Variants in BET1 observed in about 807,000 individuals in gnomAD.
The protein encoded by BET1 is Bet1 golgi vesicular membrane trafficking protein.
A neutral mutation model predicts 13.9 loss-of-function variants in BET1; 9 were observed. That is an observed-to-expected ratio of 0.65 (90% CI 0.39 to 1.13). The LOEUF (loss-of-function observed/expected upper bound fraction) is 1.13. Among genes scored for constraint, BET1 ranks in the 50% most tolerant of loss-of-function variants. The pLI, the probability that BET1 is intolerant of heterozygous loss-of-function variation, is 0.01. For synonymous variants in BET1, 39 were observed against 47.3 expected (o/e 0.82, Z 0.72); for missense variants, 127 against 133.6 (o/e 0.95, Z 0.24).
intron 1 of BET1, among the ~76,000 whole-genome samples, chr7:94,000,883 T>C (rs1386265121): frequency 6.6e-6 from 1 of 152,056 alleles, no homozygotes; most frequent in African/African-American, 2.4e-5. Flanking sequence ...GCACCTATAA[T>C]CCCAGCTACT....
At chr7:93,978,505 C>T (rs550428948) in intron 4 of BET1, among the ~76,000 whole-genome samples, 2 of 152,300 alleles carry the variant, frequency 1.3e-5, no homozygotes, top group African/African-American at 2.4e-5. Flanking sequence ...ATGCATTTCT[C>T]ATTACATTAT....
intron 3 of BET1, among the ~76,000 whole-genome samples, chr7:93,995,076 C>G (rs1584143362): frequency 1.3e-5 from 2 of 152,300 alleles, no homozygotes; most frequent in East Asian, 3.9e-4. Context: ...GAACTACTGA[C>G]CTCAGGTAAT....
chr7:93,967,165 C>T (rs1795187346), intron 6 of BET1, among the ~76,000 whole-genome samples: 1 of 151,926 alleles, frequency 6.6e-6, no homozygotes, highest in Non-Finnish European at 1.5e-5. Flanking sequence ...GAATACATAT[C>T]TATATTCTCA....
exon 7 of BET1, chr7:93,963,343 A>G (rs1352413514): frequency 6.6e-6 from 1 of 152,080 alleles, no homozygotes; most frequent in East Asian, 1.9e-4. Flanking sequence ...GCAGTATGAG[A>G]AGAAAACTAA....
At chr7:93,987,849 C>T (rs1425752515) in intron 4 of BET1, among the ~76,000 whole-genome samples, 1 of 152,220 alleles carries the variant, frequency 6.6e-6, no homozygotes, top group Non-Finnish European at 1.5e-5. Context: ...GGCATCCATA[C>T]TTGACCCTGT....
downstream of BET1, chr7:93,992,873 A>G (rs1795665108): frequency 5.1e-6 from 5 of 983,634 alleles, no homozygotes; most frequent in South Asian, 4.7e-5. Context: ...AACTCAAACC[A>G]GTGCCTCTCC....
chr7:93,974,425 A>T (rs1440670721), intron 5 of BET1, among the ~76,000 whole-genome samples: 1 of 151,964 alleles, frequency 6.6e-6, no homozygotes, highest in Non-Finnish European at 1.5e-5. Flanking sequence ...GAAAATATAC[A>T]AGATAAGACT....
intron 4 of BET1, among the ~76,000 whole-genome samples, chr7:93,985,696 A>G (rs888780974): frequency 2.0e-5 from 3 of 152,212 alleles, no homozygotes; most frequent in African/African-American, 7.2e-5. Context: ...ATCACCTCAT[A>G]TACTTAATAT....
intron 4 of BET1, among the ~76,000 whole-genome samples, chr7:93,983,636 G>A (rs1024581908): frequency 3.3e-5 from 5 of 152,124 alleles, no homozygotes; most frequent in African/African-American, 9.7e-5. Flanking sequence ...GAAAGGGTTA[G>A]TGTCTTATTA....
At chr7:94,001,955 C>T (rs1481800689) in intron 1 of BET1, among the ~76,000 whole-genome samples, 2 of 152,128 alleles carry the variant, frequency 1.3e-5, no homozygotes, top group African/African-American at 2.4e-5. Context: ...AAGTGAAATT[C>T]TTGTTGTATT....
chr7:93,979,863 C>T (rs1203266240), intron 4 of BET1, among the ~76,000 whole-genome samples: 44 of 152,166 alleles, frequency 2.9e-4, no homozygotes, highest in Admixed American at 2.9e-3. Flanking sequence ...CTGGGAGCCA[C>T]TGAGAAAGAA....
intron 6 of BET1, among the ~76,000 whole-genome samples, chr7:93,970,498 AT>A (rs1241547353): frequency 6.6e-6 from 1 of 151,706 alleles, no homozygotes; most frequent in Non-Finnish European, 1.5e-5. Flanking sequence ...TATTTTACGC[AT>A]TTTTTTCTGA....
chr7:93,991,866 A>T, downstream of BET1: 1 of 973,066 alleles, frequency 1.0e-6, no homozygotes, highest in Non-Finnish European at 1.2e-6. Flanking sequence ...ATTATCAAAC[A>T]CTTTTTCAAC....
chr7:94,003,355 T>C (rs1463473792), intron 1 of BET1, among the ~76,000 whole-genome samples: 1 of 152,156 alleles, frequency 6.6e-6, no homozygotes, highest in Non-Finnish European at 1.5e-5. Flanking sequence ...GGATTTTTTT[T>C]TTCTTTTTTC....
intron 4 of BET1, among the ~76,000 whole-genome samples, chr7:93,982,756 A>G (rs1430901897): frequency 6.6e-6 from 1 of 152,128 alleles, no homozygotes; most frequent in African/African-American, 2.4e-5. Context: ...GTACACAAGA[A>G]ATAATAATAA....
chr7:93,992,105 TTC>T (rs1422267224), downstream of BET1: 4 of 985,054 alleles, frequency 4.1e-6, no homozygotes, highest in African/African-American at 7.0e-5. Flanking sequence ...TCCAGAGGAG[TTC>T]CCTGCCTGCC....
intron 4 of BET1, among the ~76,000 whole-genome samples, chr7:93,984,472 G>A (rs1448928453): frequency 1.3e-5 from 2 of 152,044 alleles, no homozygotes; most frequent in African/African-American, 4.8e-5. Flanking sequence ...CCAAATAGGT[G>A]AACATTAATT....
chr7:93,988,286 G>A (rs998030815), downstream of BET1, among the ~76,000 whole-genome samples: 2 of 151,950 alleles, frequency 1.3e-5, no homozygotes, highest in Non-Finnish European at 2.9e-5. Flanking sequence ...TTATTATTAG[G>A]AATTCATATC....
intron 4 of BET1, among the ~76,000 whole-genome samples, chr7:93,985,387 C>T (rs1324142792): frequency 4.6e-5 from 7 of 152,144 alleles, no homozygotes; most frequent in Admixed American, 4.6e-4. Context: ...TACTAATACT[C>T]ACCTTAAGGA....
Sources: allele counts gnomAD v4.1 joint callset (sites outside exome capture counted in the v4.1 genomes callset), GRCh38; gene constraint gnomAD v4.1.1; transcripts MANE v1.5; gene names NCBI Gene and HGNC (gene_info 2026-07-23, HGNC 2026-07-21).